Variants in APP observed in about 807,000 individuals in gnomAD.
The protein encoded by APP is amyloid beta precursor protein.
A neutral mutation model predicts 101.4 loss-of-function variants in APP; 31 were observed. That is an observed-to-expected ratio of 0.31 (90% CI 0.23 to 0.41). The LOEUF is 0.41. Ranked by LOEUF, APP falls within the 10% of genes least tolerant of loss-of-function variation. The pLI, the probability that APP is intolerant of heterozygous loss-of-function variation, is 1.00. For missense variants in APP, 839 were observed against 1,003.7 expected (o/e 0.84, Z 2.22); for synonymous variants, 366 against 364.4 (o/e 1.00, Z -0.05).
intron 1 of APP, among the ~76,000 whole-genome samples, chr21:26,133,731 C>T (rs1358488040): frequency 2.0e-5 from 3 of 152,140 alleles, no homozygotes; most frequent in Non-Finnish European, 2.9e-5. Context: ...GAGATCGCAC[C>T]ACTGCACTCC....
intron 17 of APP, among the ~76,000 whole-genome samples, chr21:25,889,385 C>T (rs1023887069): frequency 1.3e-5 from 2 of 152,186 alleles, no homozygotes; most frequent in African/African-American, 4.8e-5. Context: ...TGATCTTACA[C>T]TCCAGAAATG....
At chr21:26,043,436 G>A (rs922829298) in intron 5 of APP, among the ~76,000 whole-genome samples, 1 of 151,324 alleles carries the variant, frequency 6.6e-6, no homozygotes, top group African/African-American at 2.4e-5. Context: ...TTTCCATGTT[G>A]GCCAGGCTGG....
At chr21:26,102,435 A>T (rs907969550) in intron 2 of APP, among the ~76,000 whole-genome samples, 2 of 152,114 alleles carry the variant, frequency 1.3e-5, no homozygotes, top group African/African-American at 4.8e-5. Flanking sequence ...AAGAAACAGG[A>T]CAATAAAATC....
chr21:26,092,538 G>A (rs2061846638), intron 2 of APP, among the ~76,000 whole-genome samples: 1 of 152,200 alleles, frequency 6.6e-6, no homozygotes, highest in Admixed American at 6.5e-5. Flanking sequence ...GGGGGAGGAT[G>A]AACAGATAGA....
intron 5 of APP, 89 bp from the exon 6 acceptor site, chr21:26,022,131 A>G (rs1210944601): frequency 6.1e-6 from 9 of 1,475,704 alleles, no homozygotes; most frequent in Admixed American, 1.7e-5. Flanking sequence ...AATTTTGGCA[A>G]TTTGAGAAGA....
intron 1 of APP, among the ~76,000 whole-genome samples, chr21:26,135,751 A>C (rs1210076805): frequency 6.6e-6 from 1 of 152,104 alleles, no homozygotes; most frequent in African/African-American, 2.4e-5. Flanking sequence ...TTATCTCCCC[A>C]ATGTCACCAC....
chr21:26,041,980 G>A (rs2045392422), intron 5 of APP, among the ~76,000 whole-genome samples: 1 of 152,022 alleles, frequency 6.6e-6, no homozygotes, highest in South Asian at 2.1e-4. Flanking sequence ...AGTCCTGGAA[G>A]CTGCCAACCC....
At chr21:26,102,199 C>G (rs930717230) in intron 2 of APP, among the ~76,000 whole-genome samples, 1 of 149,760 alleles carries the variant, frequency 6.7e-6, no homozygotes, top group Non-Finnish European at 1.5e-5. Flanking sequence ...CGCCATTCTC[C>G]TGCCTCAGCC....
intron 17 of APP, among the ~76,000 whole-genome samples, chr21:25,883,128 T>C (rs764819621): frequency 3.3e-5 from 5 of 152,152 alleles, no homozygotes; most frequent in Non-Finnish European, 7.4e-5. Flanking sequence ...TATGGCCGGG[T>C]GCAGTGGCTC....
chr21:26,143,853 G>A (rs1453215107), intron 1 of APP, among the ~76,000 whole-genome samples: 1 of 152,168 alleles, frequency 6.6e-6, no homozygotes, highest in Non-Finnish European at 1.5e-5. Flanking sequence ...ATAAGTACCA[G>A]GGGCCTGGAT....
chr21:26,011,770 G>A (rs973797564), intron 6 of APP, among the ~76,000 whole-genome samples: 2 of 145,818 alleles, frequency 1.4e-5, no homozygotes, highest in African/African-American at 5.1e-5. Flanking sequence ...ATAAGAATTG[G>A]CAAGCAAGAC....
At chr21:25,908,743 T>C (rs1301314783) in intron 14 of APP, among the ~76,000 whole-genome samples, 2 of 151,670 alleles carry the variant, frequency 1.3e-5, no homozygotes, top group African/African-American at 2.4e-5. Context: ...GGAATTTTGC[T>C]AAGAGCTTTT....
chr21:25,954,049 G>C (rs776262561), intron 13 of APP, among the ~76,000 whole-genome samples: 1 of 152,144 alleles, frequency 6.6e-6, no homozygotes, highest in Non-Finnish European at 1.5e-5. Context: ...TGGCTTCCCT[G>C]CTCAGCCATC....
At chr21:26,138,511 G>T (rs944340375) in intron 1 of APP, among the ~76,000 whole-genome samples, 1 of 110,622 alleles carries the variant, frequency 9.0e-6, no homozygotes, top group African/African-American at 3.9e-5. Flanking sequence ...CCAACACAGC[G>T]AAACTCTGTC....
At chr21:26,032,805 A>ATATAT (rs1555851833) in intron 5 of APP, among the ~76,000 whole-genome samples, 2,405 of 124,366 alleles carry the variant, frequency 0.019, 79 homozygotes, top group East Asian at 0.083. Flanking sequence ...AAAAAAAAAA[A>ATATAT]ATATATATAT....
chr21:26,091,439 T>A (rs886330633), intron 2 of APP, among the ~76,000 whole-genome samples: 1 of 152,112 alleles, frequency 6.6e-6, no homozygotes, highest in Non-Finnish European at 1.5e-5. Flanking sequence ...AATATGACCA[T>A]TGTAAGCAAT....
intron 2 of APP, among the ~76,000 whole-genome samples, chr21:26,093,727 T>C (rs1487415492): frequency 1.3e-5 from 2 of 152,164 alleles, no homozygotes; most frequent in African/African-American, 4.8e-5. Flanking sequence ...CACCAGGAAA[T>C]CTAGAACATG....
At chr21:26,013,088 A>C (rs1169318761) in intron 6 of APP, among the ~76,000 whole-genome samples, 1 of 151,740 alleles carries the variant, frequency 6.6e-6, no homozygotes, top group African/African-American at 2.4e-5. Context: ...AGGCCAAGGC[A>C]GGTGGATCAC....
chr21:25,957,854 C>T (rs777440555), intron 11 of APP, among the ~76,000 whole-genome samples: 1 of 152,046 alleles, frequency 6.6e-6, no homozygotes, highest in Non-Finnish European at 1.5e-5. Flanking sequence ...TGCAGTGACA[C>T]ATGCCTGCAG....
Sources: allele counts gnomAD v4.1 joint callset (sites outside exome capture counted in the v4.1 genomes callset), GRCh38; gene constraint gnomAD v4.1.1; transcripts MANE v1.5; gene names NCBI Gene and HGNC (gene_info 2026-07-23, HGNC 2026-07-21).